The following ATP11A variants were observed in gnomAD, a reference collection of about 807,000 sequenced individuals.
ATP11A encodes ATPase phospholipid transporting 11A.
Under a neutral mutation model 154.4 loss-of-function variants are expected in ATP11A, and 81 were observed. The ratio of observed to expected loss-of-function variants is 0.52; its 90% CI spans 0.44 to 0.63. ATP11A has a LOEUF of 0.63. Ranked by LOEUF, ATP11A falls within the 30% of genes least tolerant of loss-of-function variation. The pLI, the probability that ATP11A is intolerant of heterozygous loss-of-function variation, is 0.00. For synonymous variants in ATP11A, 623 were observed against 585.9 expected (o/e 1.06, Z -0.91); for missense variants, 1,316 against 1,474.3 (o/e 0.89, Z 1.76).
intron 13 of ATP11A, among the ~76,000 whole-genome samples, chr13:112,832,060 C>G (rs1178476942): frequency 7.9e-5 from 12 of 152,138 alleles, no homozygotes; most frequent in African/African-American, 2.9e-4. Context: ...TGTGTGCACA[C>G]ATGCTCACAT....
In ATP11A at chr13:112,773,198, G is replaced by C. The variant is rs572319654; in HGVS notation, c.40-11937G>C. ...CCTCTGGGTTCTGATGAGCTGTGGC[G>C]CCTCCTGCCCTGCCCTGCCCTGCCC... On this transcript the variant is annotated intron_variant, in intron 1 of 29. Coordinates refer to ENST00000375645, the MANE Select transcript of ATP11A (RefSeq NM_015205.3). Among the ~76,000 whole-genome samples the C allele has an allele frequency of 4.2e-3, 626 of 149,100 alleles. 4 individuals are homozygous for C. Among genetic ancestry groups the C allele is most frequent in the Middle Eastern group, 0.01 (3 of 294 alleles).
In ATP11A at chr13:112,756,625, A is replaced by G. The variant is rs569742994; in HGVS notation, c.40-28510A>G. On this transcript the variant is annotated intron_variant, in intron 1 of 29. Transcript: ENST00000375645. Reference sequence around the variant, plus strand: ...CAGACCGCTGGTGGCGGCTGAGCTCAGGTGGGCCTCACCTGGAGAGCCTGG... The same window carrying G: ...CAGACCGCTGGTGGCGGCTGAGCTCGGGTGGGCCTCACCTGGAGAGCCTGG... 2.1e-3 allele frequency among the ~76,000 whole-genome samples: 317 copies of G among 152,358 alleles called. 1 individual carries two copies. Among genetic ancestry groups the G allele is most frequent in the African/African-American group, 7.3e-3 (303 of 41,580 alleles).
At chr13:112,833,294 A>G (rs564405696) in intron 14 of ATP11A, among the ~76,000 whole-genome samples, 3 of 152,270 alleles carry the variant, frequency 2.0e-5, no homozygotes, top group African/African-American at 7.2e-5. Context: ...AGTAAGTTAG[A>G]GGTCATTCCA....
At chr13:112,813,912 C>G (rs915627993) in intron 5 of ATP11A, among the ~76,000 whole-genome samples, 7 of 151,730 alleles carry the variant, frequency 4.6e-5, no homozygotes, top group Middle Eastern at 3.4e-3. Context: ...CTTTGAGCTT[C>G]TTTTTACTGT....
In ATP11A at chr13:112,832,991, C is replaced by A. The variant is rs200869077; in HGVS notation, c.1527C>A (p.Pro509=). The change falls in exon 14 of 30, where the codon CCC becomes CCA. Residue 509 remains proline, a synonymous_variant. Transcript: ENST00000375645. Reference sequence around the variant, plus strand: ...CCTGTGTGTACATCTCATCCTCGCCCGACGAGGTGGCGCTGGTCGAAGGTG... The same window carrying A: ...CCTGTGTGTACATCTCATCCTCGCCAGACGAGGTGGCGCTGGTCGAAGGTG... ...GKSCVYISSS[P]DEVALVEGVQ... 6.2e-7 allele frequency: 1 copy of A among 1,613,364 alleles called. No homozygotes were observed. The highest frequency in any genetic ancestry group is 1.3e-5 in the African/African-American group (1 of 74,998).
intron 1 of ATP11A, among the ~76,000 whole-genome samples, chr13:112,752,437 G>A (rs772732201): frequency 6.6e-6 from 1 of 152,174 alleles, no homozygotes; most frequent in Non-Finnish European, 1.5e-5. Flanking sequence ...GAATCCTCCC[G>A]GCGGGCGCCC....
At chr13:112,871,297 CTTT>C (rs1220813687) in intron 25 of ATP11A, among the ~76,000 whole-genome samples, 1 of 152,198 alleles carries the variant, frequency 6.6e-6, no homozygotes, top group African/African-American at 2.4e-5. Context: ...AGGCAACTGT[CTTT>C]TCTACGTAAA....
chr13:112,864,154 A>G (rs1437118516), intron 25 of ATP11A, among the ~76,000 whole-genome samples: 1 of 107,878 alleles, frequency 9.3e-6, no homozygotes, highest in African/African-American at 3.3e-5. Flanking sequence ...AGCGGGGTCC[A>G]TCACCACCTG....
chr13:112,854,679 A>G (rs985584166), intron 19 of ATP11A, 149 bp downstream of exon 19: 1 of 950,290 alleles, frequency 1.1e-6, no homozygotes, highest in African/African-American at 1.7e-5. Context: ...CTTAGGGGTC[A>G]GGTGAACACT....
chr13:112,770,235 C>T (rs925769177), intron 1 of ATP11A, among the ~76,000 whole-genome samples: 64 of 152,182 alleles, frequency 4.2e-4, no homozygotes, highest in African/African-American at 1.4e-3. Context: ...AAACTATGGT[C>T]TAGGTCCGCT....
intron 2 of ATP11A, among the ~76,000 whole-genome samples, chr13:112,801,963 T>G (rs1038859480): frequency 2.0e-5 from 3 of 152,202 alleles, no homozygotes; most frequent in Non-Finnish European, 2.9e-5. Flanking sequence ...CTCGCAGTAT[T>G]GAACCAAGTT....
chr13:112,766,417 G>A lies in ATP11A; in HGVS notation c.40-18718G>A, dbSNP rs573892470. Among the ~76,000 whole-genome samples the A allele has an allele frequency of 9.2e-5, 14 of 152,304 alleles. No homozygotes were observed. The East Asian group carries it at 2.5e-3, about 27-fold the overall frequency. ...TTGGACACCTGTGCTGGGGGGAGAAGCCCCTCACCCAGAGGCTGTCACAGG... is the reference window on the plus strand; with the variant it reads ...TTGGACACCTGTGCTGGGGGGAGAAACCCCTCACCCAGAGGCTGTCACAGG... On this transcript the variant is annotated intron_variant, in intron 1 of 29. Transcript: ENST00000375645.
chr13:112,725,534 C>T (rs1464999364), intron 1 of ATP11A, among the ~76,000 whole-genome samples: 1 of 152,226 alleles, frequency 6.6e-6, no homozygotes, highest in Non-Finnish European at 1.5e-5. Flanking sequence ...TGCCTAGGTG[C>T]CCAGGAGTGA....
chr13:112,862,060 G>A (rs2080123855), intron 24 of ATP11A, among the ~76,000 whole-genome samples: 1 of 151,666 alleles, frequency 6.6e-6, no homozygotes, highest in South Asian at 2.1e-4. Flanking sequence ...CAGGCGTAAG[G>A]CATCACGTCA....
intron 1 of ATP11A, among the ~76,000 whole-genome samples, chr13:112,698,380 C>G (rs1041582293): frequency 3.9e-5 from 6 of 152,198 alleles, no homozygotes; most frequent in African/African-American, 1.4e-4. Flanking sequence ...AAGAAAACTG[C>G]TGAGTTGTTT....
chr13:112,870,246 A>G (rs1010962546), intron 25 of ATP11A, among the ~76,000 whole-genome samples: 7 of 152,190 alleles, frequency 4.6e-5, no homozygotes. Context: ...ATAATCTACA[A>G]ATGAGATGTT....
intron 16 of ATP11A, among the ~76,000 whole-genome samples, chr13:112,839,201 T>A (rs1206309721): frequency 5.3e-5 from 8 of 152,064 alleles, no homozygotes; most frequent in Non-Finnish European, 1.2e-4. Context: ...TTTTGGGGGA[T>A]CCTGCGGATG....
At chr13:112,704,064 C>T (rs1317110450) in intron 1 of ATP11A, among the ~76,000 whole-genome samples, 2 of 152,168 alleles carry the variant, frequency 1.3e-5, no homozygotes, top group African/African-American at 4.8e-5. Flanking sequence ...AAATGCAGGT[C>T]AGAACAATGG....
intron 1 of ATP11A, among the ~76,000 whole-genome samples, chr13:112,784,774 C>T (rs1193563537): frequency 1.1e-4 from 16 of 152,332 alleles, no homozygotes; most frequent in Non-Finnish European, 1.8e-4. Context: ...CCGCCCATCT[C>T]GGCCTCCCAA....
Sources: allele counts gnomAD v4.1 joint callset (sites outside exome capture counted in the v4.1 genomes callset), GRCh38; gene constraint gnomAD v4.1.1; transcripts MANE v1.5; gene names NCBI Gene and HGNC (gene_info 2026-07-23, HGNC 2026-07-21).